HUNK: variants seen among roughly 807,000 people sequenced by gnomAD.
HUNK encodes the protein hormonally up-regulated Neu-associated kinase.
In HUNK, 21 loss-of-function variants were observed where a neutral mutation model predicts 61.0. The ratio of observed to expected loss-of-function variants is 0.34; its 90% CI spans 0.24 to 0.50. The LOEUF is 0.50. Ranked by LOEUF, HUNK falls within the 20% of genes least tolerant of loss-of-function variation. The pLI, the probability that HUNK is intolerant of heterozygous loss-of-function variation, is 0.98. For missense variants in HUNK, 772 were observed against 945.7 expected (o/e 0.82, Z 2.41); for synonymous variants, 371 against 386.1 (o/e 0.96, Z 0.46).
chr21:31,881,639 C>T (rs2052308519), intron 1 of HUNK, among the ~76,000 whole-genome samples: 1 of 151,916 alleles, frequency 6.6e-6, no homozygotes, highest in South Asian at 2.1e-4. Flanking sequence ...GCAGCAGCAA[C>T]AACAACAACA....
At chr21:31,932,020 C>T (rs571791886) in intron 2 of HUNK, among the ~76,000 whole-genome samples, 1 of 152,178 alleles carries the variant, frequency 6.6e-6, no homozygotes, top group Non-Finnish European at 1.5e-5. Flanking sequence ...AACATGTGTA[C>T]ATTCATACAC....
chr21:31,977,588 T>C (rs2053058977), intron 7 of HUNK, among the ~76,000 whole-genome samples: 1 of 152,216 alleles, frequency 6.6e-6, no homozygotes, highest in African/African-American at 2.4e-5. Flanking sequence ...CTTCCACATT[T>C]AGAGATACAA....
intron 7 of HUNK, among the ~76,000 whole-genome samples, chr21:31,977,140 A>G (rs1369113551): frequency 1.3e-5 from 2 of 152,192 alleles, no homozygotes; most frequent in South Asian, 4.1e-4. Context: ...TCTATTTATT[A>G]TATATCTTAT....
At chr21:31,974,921 C>A (rs1346669586) in intron 7 of HUNK, among the ~76,000 whole-genome samples, 1 of 152,050 alleles carries the variant, frequency 6.6e-6, no homozygotes, top group South Asian at 2.1e-4. Flanking sequence ...TTCAAATACT[C>A]TCCCACCGAG....
chr21:31,992,052 C>T (rs140628479), intron 9 of HUNK, among the ~76,000 whole-genome samples: 16 of 152,310 alleles, frequency 1.1e-4, no homozygotes, highest in African/African-American at 3.8e-4. Flanking sequence ...ATGGAGAGAG[C>T]GAGGAATGGA....
chr21:31,905,102 G>A (rs965687839), intron 1 of HUNK, among the ~76,000 whole-genome samples: 2 of 150,614 alleles, frequency 1.3e-5, no homozygotes, highest in Non-Finnish European at 2.9e-5. Context: ...AGGTAGTTGA[G>A]TTAAAGTGAG....
chr21:31,941,424 A>C (rs896663791), intron 3 of HUNK, among the ~76,000 whole-genome samples: 2 of 151,032 alleles, frequency 1.3e-5, no homozygotes, highest in African/African-American at 2.4e-5. Flanking sequence ...CTCCTGTCTC[A>C]GCCTCCCGAG....
At chr21:31,985,836 T>C (rs1457780807) in intron 8 of HUNK, among the ~76,000 whole-genome samples, 1 of 152,106 alleles carries the variant, frequency 6.6e-6, no homozygotes, top group Non-Finnish European at 1.5e-5. Flanking sequence ...AGCATCTGCC[T>C]CTCCGTCAGT....
chr21:31,913,298 G>A lies in HUNK; in HGVS notation c.262-11170G>A, dbSNP rs181616842. Among the ~76,000 whole-genome samples the A allele has an allele frequency of 5.3e-5, 8 of 152,210 alleles. No homozygotes were observed. The East Asian group carries it at 1.5e-3, about 29-fold the overall frequency. On this transcript the variant is annotated intron_variant, in intron 1 of 10. Coordinates refer to ENST00000270112, the MANE Select transcript of HUNK (RefSeq NM_014586.2). ...GGGGTTGACCTGGCCAAGAGTGTGT[G>A]GGAGGGAATTCCAGGCTGGGCTGGG... is the stretch of plus-strand genomic sequence containing the variant.
chr21:31,984,497 A>G (rs556360343), intron 8 of HUNK, among the ~76,000 whole-genome samples: 1 of 152,366 alleles, frequency 6.6e-6, no homozygotes, highest in South Asian at 2.1e-4. Context: ...GTTTGGGATC[A>G]GGCAGGCTTT....
At chr21:31,884,356 G>C (rs7277638) in intron 1 of HUNK, among the ~76,000 whole-genome samples, 152,253 of 152,254 alleles carry the variant, frequency 1, 76,126 homozygotes, top group Non-Finnish European at 1. Flanking sequence ...CTTTGGGAGG[G>C]CGAGGTGGGT....
At chr21:31,995,239 A>AAT (rs753846304) in intron 9 of HUNK, among the ~76,000 whole-genome samples, 6 of 151,422 alleles carry the variant, frequency 4.0e-5, no homozygotes, top group Non-Finnish European at 7.4e-5. Flanking sequence ...TGCTCACACG[A>AAT]TTAGGGTAGA....
chr21:31,905,727 C>T (rs780493024), intron 1 of HUNK, among the ~76,000 whole-genome samples: 4 of 152,192 alleles, frequency 2.6e-5, no homozygotes, highest in East Asian at 1.9e-4. Context: ...ACACCATAAA[C>T]GCACATGAAT....
intron 1 of HUNK, among the ~76,000 whole-genome samples, chr21:31,910,913 C>A (rs74369706): frequency 0.027 from 4,147 of 152,348 alleles, 90 homozygotes; most frequent in Middle Eastern, 0.11. Context: ...CACATCACTT[C>A]ATTCACGTGG....
chr21:31,998,575 T>C lies in HUNK; in HGVS notation c.1536T>C (p.Cys512=). 3 of 1,609,792 alleles carry C rather than the reference T, an allele frequency of 1.9e-6. No individual in the cohort carries two copies. Among genetic ancestry groups the C allele is most frequent in the Non-Finnish European group, 2.5e-6 (3 of 1,178,552 alleles). The part of the protein sequence containing the change: ...NIFRKTSDSN[C]VASSSMEFIP... ...TCCGCAAAACCTCAGATTCCAATTG[T>C]GTGGCTTCTTCTTCCATGGAGTTCA... Residue 512 remains cysteine (C), a synonymous_variant, in exon 11 of 11, where the codon TGT becomes TGC. Coordinates refer to ENST00000270112, the MANE Select transcript of HUNK (RefSeq NM_014586.2).
rs1399281329 is a variant in HUNK, at chr21:32,000,260, G to A, written c.*1076G>A. 7.5e-6 allele frequency: 3 copies of A among 399,030 alleles called. No homozygotes were observed. Among genetic ancestry groups the A allele is most frequent in the Non-Finnish European group, 4.4e-6 (1 of 226,106 alleles). 24.7% of individuals were successfully genotyped at this position (399,030 alleles called of 1,614,324 possible). On this transcript the variant is annotated 3_prime_UTR_variant, in exon 11 of 11. Coordinates refer to ENST00000270112, the MANE Select transcript of HUNK (RefSeq NM_014586.2). The stretch of plus-strand genomic sequence containing the variant: ...GAACTGGTGCGGCTCAGAGCTCGGC[G>A]AGTTTGCTGGGAGCTGGGAGCAGGC...
At chr21:31,941,731 C>T (rs575034883) in intron 3 of HUNK, among the ~76,000 whole-genome samples, 1 of 152,156 alleles carries the variant, frequency 6.6e-6, no homozygotes, top group Non-Finnish European at 1.5e-5. Context: ...GTCCTCATTT[C>T]CGAGATCTGG....
At chr21:31,904,583 G>A (rs2052491977) in intron 1 of HUNK, among the ~76,000 whole-genome samples, 1 of 152,166 alleles carries the variant, frequency 6.6e-6, no homozygotes, top group South Asian at 2.1e-4. Flanking sequence ...GAGATGTCTT[G>A]GGATTGTTGG....
intron 5 of HUNK, 73 bp from the exon 6 acceptor site, chr21:31,968,177 T>C: frequency 6.3e-7 from 1 of 1,588,272 alleles, no homozygotes; most frequent in Non-Finnish European, 8.6e-7. Flanking sequence ...GCGAGTCCCC[T>C]GTGATGGTGG....
Sources: allele counts gnomAD v4.1 joint callset (sites outside exome capture counted in the v4.1 genomes callset), GRCh38; gene constraint gnomAD v4.1.1; transcripts MANE v1.5; gene names NCBI Gene and HGNC (gene_info 2026-07-23, HGNC 2026-07-21).